DBNL: variants seen among roughly 807,000 people sequenced by gnomAD.
DBNL encodes drebrin-like protein.
In DBNL, 35 loss-of-function variants were observed where a neutral mutation model predicts 62.2. That is an observed-to-expected ratio of 0.56 (90% confidence interval 0.43 to 0.75). The LOEUF (loss-of-function observed/expected upper bound fraction) is 0.75, where lower values mean the gene tolerates loss of function less well. Ranked by LOEUF, DBNL falls within the 30% of genes least tolerant of loss-of-function variation. The pLI, the probability that DBNL is intolerant of heterozygous loss-of-function variation, is 0.00. For synonymous variants in DBNL, 197 were observed against 218.0 expected (o/e 0.90, Z 0.85); for missense variants, 495 against 578.4 (o/e 0.86, Z 1.48).
Position 44,059,986 on chromosome 7 carries a change from G to A in DBNL, c.1048-62G>A. The A allele has an allele frequency of 6.6e-7, 1 of 1,524,430 alleles. No individual in the cohort carries two copies. The highest frequency in any genetic ancestry group is 9.0e-7 in the Non-Finnish European group (1 of 1,112,076). The allele number at this position is 1,524,430 out of a possible 1,614,324, so 94.4% of individuals were successfully genotyped here. A position where few individuals can be genotyped will look rare whatever the true frequency, so the allele number is the denominator to read the frequency against. ...CCCAGCTTGACCTGAGCCATGTGGG[G>A]CAGAGCAGCGATTGTGTGTAAGGGC... On this transcript the variant is annotated intron_variant, in intron 11 of 12. Transcript: ENST00000448521. The surrounding 1 kb of genome is among the most constrained non-coding windows in gnomAD (Gnocchi z 4.1).
chr7:44,064,793 G>GGGCCCCCCCCCC lies in DBNL; in HGVS notation c.*3877_*3878insGGCCCCCCCCCC. Reference sequence around the variant, plus strand: ...AGATGAGAAGCCAGCTGGGGCTGCTGCCCACCCACCCTGCCCAGGCTCCTG... The same window carrying GGGCCCCCCCCCC: ...AGATGAGAAGCCAGCTGGGGCTGCTGGGCCCCCCCCCCCCCACCCACCCTGCCCAGGCTCCTG... On this transcript the variant is annotated 3_prime_UTR_variant, in exon 13 of 13. Transcript: ENST00000448521. 9 of 1,136,966 alleles carry GGGCCCCCCCCCC rather than the reference G, an allele frequency of 7.9e-6. No homozygotes were observed. The highest frequency in any genetic ancestry group is 1.5e-5 in the African/African-American group (1 of 66,158). The allele number at this position is 1,136,966 out of a possible 1,614,324, so 70.4% of individuals were successfully genotyped here. A position where few individuals can be genotyped will look rare whatever the true frequency, so the allele number is the denominator to read the frequency against.
Position 44,060,733 on chromosome 7 carries a change from G to T in DBNL, c.1154-44G>T, listed in dbSNP as rs201512670. The T allele has an allele frequency of 6.3e-7, 1 of 1,599,664 alleles. No homozygotes were observed. Among genetic ancestry groups the T allele is most frequent in the South Asian group, 1.1e-5 (1 of 90,168 alleles). On this transcript the variant is annotated intron_variant, in intron 12 of 12. Transcript: ENST00000448521. The surrounding 1 kb of genome is among the most constrained non-coding windows in gnomAD (Gnocchi z 6.3). ...TGGGCTGCCCGAGCAGGTGGGATGT[G>T]GGAGGGAGCCCCTGATATGCATCTG... is the stretch of plus-strand genomic sequence containing the variant.
chr7:44,058,125 G>C lies in DBNL; in HGVS notation c.553-4G>C, dbSNP rs1434111137. On this transcript the variant is annotated splice_polypyrimidine_tract_variant and splice_region_variant and intron_variant, in intron 6 of 12. Coordinates refer to ENST00000448521, the MANE Select transcript of DBNL (RefSeq NM_001014436.3). ...GGCTGAGCGGGCAGTGGCTCTCCCT[G>C]CAGAAGGAGGAGGAGAACCGTCGGC... 4 of 1,554,178 alleles carry C rather than the reference G, an allele frequency of 2.6e-6. No homozygotes were observed. In the Admixed American group the frequency reaches 5.9e-5, roughly 23 times the overall value.
chr7:44,049,137 G>A (rs1291731874), intron 1 of DBNL, among the ~76,000 whole-genome samples: 1 of 151,922 alleles, frequency 6.6e-6, no homozygotes, highest in Admixed American at 6.6e-5. Flanking sequence ...TTACAGACAC[G>A]AGCCACCCAC....
In DBNL at chr7:44,060,265, A is replaced by C. The variant is rs535774566; in HGVS notation, c.1153+112A>C. ...CCAGGGGGTATCAGGAAGAGAAGAC[A>C]GGAGGGTGGGCGGTGCGTTTAGGGG... On this transcript the variant is annotated intron_variant, in intron 12 of 12. Coordinates refer to ENST00000448521, the MANE Select transcript of DBNL (RefSeq NM_001014436.3). The surrounding 1 kb of genome is among the most constrained non-coding windows in gnomAD (Gnocchi z 6.3). 7.0e-6 allele frequency: 7 copies of C among 1,005,982 alleles called. No homozygotes were observed. The highest frequency in any genetic ancestry group is 8.9e-6 in the Non-Finnish European group (6 of 675,548). The allele number at this position is 1,005,982 out of a possible 1,614,324, so 62.3% of individuals were successfully genotyped here.
chr7:44,058,822 G>A (rs2128793853), intron 8 of DBNL, 80 bp from the exon 9 acceptor site: 9 of 1,550,770 alleles, frequency 5.8e-6, no homozygotes, highest in African/African-American at 2.7e-5. Flanking sequence ...CTACTGGGCC[G>A]ACAGCTGGAG....
Position 44,062,773 on chromosome 7 carries a change from C to T in DBNL, c.*1857C>T. On this transcript the variant is annotated 3_prime_UTR_variant, in exon 13 of 13. Transcript: ENST00000448521. ...TGCCCAAGCCCACCCCTCACTTGGC[C>T]TTGCCCTGGGCAGCCACAGCCTCCA... is the stretch of plus-strand genomic sequence containing the variant. The T allele has an allele frequency of 6.2e-7, 1 of 1,614,218 alleles. No individual in the cohort carries two copies. The highest frequency in any genetic ancestry group is 8.5e-7 in the Non-Finnish European group (1 of 1,180,038).
At chr7:44,048,709 C>A (rs1562650275) in intron 1 of DBNL, among the ~76,000 whole-genome samples, 1 of 152,226 alleles carries the variant, frequency 6.6e-6, no homozygotes, top group Non-Finnish European at 1.5e-5. Context: ...GGGGAGATGA[C>A]ACACACTGGA....
Position 44,060,977 on chromosome 7 carries a change from A to G in DBNL, c.*61A>G. 6.3e-7 allele frequency: 1 copy of G among 1,575,392 alleles called. No homozygotes were observed. On this transcript the variant is annotated 3_prime_UTR_variant, in exon 13 of 13. Transcript: ENST00000448521. This position sits in a 1 kb window ranked among gnomAD's most constrained non-coding sequence, Gnocchi z 6.3. ...ATGGCTTCCTTATTGCTGGAAGAGGAGGCCTGGGAGTTGACATTCAGCACT... is the reference window on the plus strand; with the variant it reads ...ATGGCTTCCTTATTGCTGGAAGAGGGGGCCTGGGAGTTGACATTCAGCACT...
chr7:44,063,214 G>T lies in DBNL; in HGVS notation c.*2298G>T. 2.1e-6 allele frequency: 1 copy of T among 486,478 alleles called. No individual in the cohort carries two copies. Among genetic ancestry groups the T allele is most frequent in the South Asian group, 2.2e-5 (1 of 46,014 alleles). The allele number at this position is 486,478 out of a possible 1,614,324, so 30.1% of individuals were successfully genotyped here. On this transcript the variant is annotated 3_prime_UTR_variant, in exon 13 of 13. Coordinates refer to ENST00000448521, the MANE Select transcript of DBNL (RefSeq NM_001014436.3). ...GTCCATAGTTCCCTCAGCCCAGTGT[G>T]ACTCCAGCCAGACTGAAGTTGAGGG...
Position 44,065,115 on chromosome 7 carries a change from C to T in DBNL, c.*4199C>T. 6.2e-7 allele frequency: 1 copy of T among 1,613,866 alleles called. No individual in the cohort carries two copies. Among genetic ancestry groups the T allele is most frequent in the South Asian group, 1.1e-5 (1 of 91,092 alleles). ...AGGCCTTCCCAGCAAAGGCAGCCCACCTTGCTAATGGAGTTGTAGTAGGGG... is the reference window on the plus strand; with the variant it reads ...AGGCCTTCCCAGCAAAGGCAGCCCATCTTGCTAATGGAGTTGTAGTAGGGG... On this transcript the variant is annotated 3_prime_UTR_variant, in exon 13 of 13. Coordinates refer to ENST00000448521, the MANE Select transcript of DBNL (RefSeq NM_001014436.3).
At chr7:44,044,892 G>T in intron 1 of DBNL, 72 bp downstream of exon 1, 2 of 1,324,402 alleles carry the variant, frequency 1.5e-6, no homozygotes, top group Non-Finnish European at 1.9e-6. Context: ...GCGAGCGGGG[G>T]ACTCGGGGGG....
In DBNL at chr7:44,060,970, G is replaced by C. The variant is rs950117515; in HGVS notation, c.*54G>C. 1 of 1,588,420 alleles carries C rather than the reference G, an allele frequency of 6.3e-7. No individual in the cohort carries two copies. On this transcript the variant is annotated 3_prime_UTR_variant, in exon 13 of 13. Transcript: ENST00000448521. This position sits in a 1 kb window ranked among gnomAD's most constrained non-coding sequence, Gnocchi z 6.3. ...CTCAGACATGGCTTCCTTATTGCTGGAAGAGGAGGCCTGGGAGTTGACATT... is the reference window on the plus strand; with the variant it reads ...CTCAGACATGGCTTCCTTATTGCTGCAAGAGGAGGCCTGGGAGTTGACATT...
chr7:44,046,206 G>T (rs1433246813), intron 1 of DBNL, among the ~76,000 whole-genome samples: 1 of 152,186 alleles, frequency 6.6e-6, no homozygotes, highest in African/African-American at 2.4e-5. Context: ...TTAGAACCCA[G>T]AAGAATCTTT....
Position 44,049,889 on chromosome 7 carries a change from A to G in DBNL, c.84-336A>G, listed in dbSNP as rs2096123576. The G allele has an allele frequency of 1.2e-5, 3 of 246,560 alleles. No individual in the cohort carries two copies. In the South Asian group the frequency reaches 1.5e-4, roughly 12 times the overall value. The allele number at this position is 246,560 out of a possible 1,614,324, so 15.3% of individuals were successfully genotyped here. Reference sequence around the variant, plus strand: ...TACCTAGTGGCCAGGTGAGTATTTGACACATGAATGTATAGCAGTCATTGG... The same window carrying G: ...TACCTAGTGGCCAGGTGAGTATTTGGCACATGAATGTATAGCAGTCATTGG... On this transcript the variant is annotated intron_variant, in intron 1 of 12. Transcript: ENST00000448521.
At position 44,061,238 on chromosome 7, in the gene DBNL, G is replaced by C. The variant is rs2096148455; in HGVS notation, c.*322G>C. ...AAGCTGCGGGGAAGGGTCCTGAGCA[G>C]GGGCATCTGGGAGGCTCTGGCTGCC... On this transcript the variant is annotated 3_prime_UTR_variant, in exon 13 of 13. Coordinates refer to ENST00000448521, the MANE Select transcript of DBNL (RefSeq NM_001014436.3). 1 of 321,578 alleles carries C rather than the reference G, an allele frequency of 3.1e-6. No homozygotes were observed. The highest frequency in any genetic ancestry group is 2.1e-5 in the African/African-American group (1 of 47,426). The allele number at this position is 321,578 out of a possible 1,614,324, so 19.9% of individuals were successfully genotyped here.
At position 44,064,771 on chromosome 7, in the gene DBNL, T is replaced by G; in HGVS notation, c.*3855T>G. 6.9e-7 allele frequency: 1 copy of G among 1,439,558 alleles called. No individual in the cohort carries two copies. Among genetic ancestry groups the G allele is most frequent in the Non-Finnish European group, 9.5e-7 (1 of 1,054,180 alleles). 89.2% of individuals were successfully genotyped at this position (1,439,558 alleles called of 1,614,324 possible). On this transcript the variant is annotated 3_prime_UTR_variant, in exon 13 of 13. Coordinates refer to ENST00000448521, the MANE Select transcript of DBNL (RefSeq NM_001014436.3). ...CCATGGGCGAGAGACTTTGCTGAGA[T>G]GAGAAGCCAGCTGGGGCTGCTGCCC...
In DBNL at chr7:44,063,401, C is replaced by T. The variant is rs2096152865; in HGVS notation, c.*2485C>T. 1 of 210,280 alleles carries T rather than the reference C, an allele frequency of 4.8e-6. No homozygotes were observed. The highest frequency in any genetic ancestry group is 2.3e-5 in the African/African-American group (1 of 43,238). 13.0% of individuals were successfully genotyped at this position (210,280 alleles called of 1,614,324 possible). ...CTGGGTTGAAGTGATTCTGCCTCAG[C>T]CTCCCAAGTAGCTGGGATTACAGGT... On this transcript the variant is annotated 3_prime_UTR_variant, in exon 13 of 13. Transcript: ENST00000448521.
Position 44,063,709 on chromosome 7 carries a change from C to G in DBNL, c.*2793C>G, listed in dbSNP as rs931592002. On this transcript the variant is annotated 3_prime_UTR_variant, in exon 13 of 13. Coordinates refer to ENST00000448521, the MANE Select transcript of DBNL (RefSeq NM_001014436.3). The stretch of plus-strand genomic sequence containing the variant: ...TGACCCTGCCTGCCTCCTGCAGCCC[C>G]TGAGCTGGGAATAGCAGCTCGACCT... 1 of 154,184 alleles carries G rather than the reference C, an allele frequency of 6.5e-6. No homozygotes were observed. Among genetic ancestry groups the G allele is most frequent in the African/African-American group, 2.4e-5 (1 of 41,466 alleles). The allele number at this position is 154,184 out of a possible 1,614,324, so 9.6% of individuals were successfully genotyped here.
Sources: gnomAD v4.1 joint callset for allele counts (sites outside exome capture counted in the v4.1 genomes callset) on GRCh38, gnomAD v4.1.1 for gene constraint, Gnocchi (gnomAD v3.1) non-coding constraint, MANE v1.5 for transcripts, NCBI Gene and HGNC (gene_info 2026-07-23, HGNC 2026-07-21) for gene names.